The following RERE variants were observed in gnomAD, a reference collection of about 807,000 sequenced individuals.
RERE encodes the protein arginine-glutamic acid dipeptide repeats protein.
RERE carries 40 observed loss-of-function variants against 146.1 expected under a neutral mutation model. The observed-to-expected ratio is 0.27, with a 90% CI of 0.21 to 0.36. The LOEUF (loss-of-function observed/expected upper bound fraction) is 0.36. Among genes scored for constraint, RERE ranks in the 10% least tolerant of loss-of-function variants. The probability of loss-of-function intolerance (pLI) is 1.00; values close to 1 mark genes in which losing one functional copy is unlikely to be tolerated. For synonymous variants in RERE, 1,003 were observed against 866.0 expected (o/e 1.16, Z -2.78); for missense variants, 1,933 against 2,138.7 (o/e 0.90, Z 1.90).
chr1:8,519,644 A>G (rs747605385), intron 7 of RERE: 1 of 152,208 alleles, frequency 6.6e-6, no homozygotes, highest in Non-Finnish European at 1.5e-5. Context: ...ATTAAACTCT[A>G]TATACTGGCA....
chr1:8,596,482 T>G (rs1418810289), intron 4 of RERE, among the ~76,000 whole-genome samples: 1 of 152,150 alleles, frequency 6.6e-6, no homozygotes, highest in East Asian at 1.9e-4. Context: ...ACAAACCTAG[T>G]CTGTAGGAAA....
intron 2 of RERE, among the ~76,000 whole-genome samples, chr1:8,642,140 C>T: frequency 6.6e-6 from 1 of 151,546 alleles, no homozygotes; most frequent in South Asian, 2.1e-4. Flanking sequence ...TAACCCCAAT[C>T]TAAAACCCCA....
intron 15 of RERE, chr1:8,363,627 G>A (rs1641682092): frequency 5.1e-6 from 1 of 195,730 alleles, no homozygotes; most frequent in African/African-American, 2.4e-5. Context: ...TATGGGAGGA[G>A]CTATGCAGTG....
intron 4 of RERE, among the ~76,000 whole-genome samples, chr1:8,595,500 T>G (rs1646545144): frequency 6.6e-6 from 1 of 151,548 alleles, no homozygotes; most frequent in African/African-American, 2.4e-5. Flanking sequence ...ATGTATTTAT[T>G]TTTATGTATT....
chr1:8,357,544 A>C (rs183123574), intron 20 of RERE, among the ~76,000 whole-genome samples: 5 of 152,174 alleles, frequency 3.3e-5, no homozygotes, highest in Admixed American at 3.3e-4. Flanking sequence ...GGAGCAGGTG[A>C]ACCTGCCTCC....
chr1:8,785,264 C>A (rs550528121), intron 1 of RERE, among the ~76,000 whole-genome samples: 1 of 152,272 alleles, frequency 6.6e-6, no homozygotes, highest in South Asian at 2.1e-4. Context: ...ATTTTGATAA[C>A]AGCAGAAAGG....
intron 1 of RERE, among the ~76,000 whole-genome samples, chr1:8,745,913 T>G (rs1186421111): frequency 6.6e-6 from 1 of 152,024 alleles, no homozygotes; most frequent in Non-Finnish European, 1.5e-5. Context: ...TTACAAAAAT[T>G]AAAAATTAGC....
intron 10 of RERE, among the ~76,000 whole-genome samples, chr1:8,491,933 A>G (rs1644984284): frequency 6.6e-6 from 1 of 152,228 alleles, no homozygotes; most frequent in African/African-American, 2.4e-5. Flanking sequence ...TTAACTTATT[A>G]CTTAACACAG....
intron 4 of RERE, among the ~76,000 whole-genome samples, chr1:8,589,402 T>C (rs1023239740): frequency 6.6e-6 from 1 of 152,210 alleles, no homozygotes; most frequent in African/African-American, 2.4e-5. Flanking sequence ...ATCAAGCCAC[T>C]GCACTCCAGC....
intron 3 of RERE, among the ~76,000 whole-genome samples, chr1:8,615,612 G>A (rs908094949): frequency 2.6e-5 from 4 of 152,030 alleles, no homozygotes; most frequent in South Asian, 2.1e-4. Context: ...CCTGTCTTAC[G>A]GTTGTCTAAA....
At chr1:8,355,946 G>A (rs747771545) in intron 21 of RERE, among the ~76,000 whole-genome samples, 154 bp downstream of exon 21, 2 of 152,110 alleles carry the variant, frequency 1.3e-5, no homozygotes, top group Non-Finnish European at 2.9e-5. Context: ...GAGGGCAGGA[G>A]GCTTGTTCCC....
In RERE at chr1:8,441,348, T is replaced by C. The variant is rs545392346; in HGVS notation, c.1204-18541A>G. 2.6e-5 allele frequency among the ~76,000 whole-genome samples: 4 copies of C among 152,346 alleles called. No individual in the cohort carries two copies. In the East Asian group the frequency reaches 7.7e-4, roughly 29 times the overall value. ...GAAGGCACACGCTCCTGTGAGGGGATGCAGCCTCTCTTCTTCTATCCCCAC... is the reference window on the plus strand; with the variant it reads ...GAAGGCACACGCTCCTGTGAGGGGACGCAGCCTCTCTTCTTCTATCCCCAC... On this transcript the variant is annotated intron_variant, in intron 11 of 22. Coordinates refer to ENST00000400908, the MANE Select transcript of RERE (RefSeq NM_001042681.2).
At chr1:8,720,557 G>A (rs543112114) in intron 1 of RERE, among the ~76,000 whole-genome samples, 14 of 152,174 alleles carry the variant, frequency 9.2e-5, no homozygotes, top group East Asian at 5.8e-4. Context: ...GAACAAGAAC[G>A]AGCAAGAGAG....
intron 10 of RERE, among the ~76,000 whole-genome samples, chr1:8,486,520 A>G (rs1436035244): frequency 6.6e-6 from 1 of 152,170 alleles, no homozygotes; most frequent in East Asian, 1.9e-4. Flanking sequence ...CAACAAATCA[A>G]AATTTGTGGT....
intron 12 of RERE, among the ~76,000 whole-genome samples, chr1:8,412,774 T>C (rs1483554897): frequency 6.6e-6 from 1 of 152,242 alleles, no homozygotes; most frequent in Non-Finnish European, 1.5e-5. Flanking sequence ...CCCCAAGTCC[T>C]AGTCCCATTG....
chr1:8,493,806 A>G (rs1645008887), intron 10 of RERE, among the ~76,000 whole-genome samples: 1 of 152,244 alleles, frequency 6.6e-6, no homozygotes, highest in Non-Finnish European at 1.5e-5. Context: ...TCAACAGCCT[A>G]CATACACATA....
intron 2 of RERE, among the ~76,000 whole-genome samples, chr1:8,636,427 A>C (rs983865890): frequency 6.6e-6 from 1 of 152,058 alleles, no homozygotes; most frequent in African/African-American, 2.4e-5. Flanking sequence ...CCACATACTC[A>C]GGAGGCTGAG....
chr1:8,438,827 T>C (rs1375132696), intron 11 of RERE, among the ~76,000 whole-genome samples: 1 of 152,216 alleles, frequency 6.6e-6, no homozygotes, highest in Non-Finnish European at 1.5e-5. Flanking sequence ...AATATTAACT[T>C]ATACATATCT....
intron 1 of RERE, among the ~76,000 whole-genome samples, chr1:8,733,367 C>T (rs1569663857): frequency 6.6e-6 from 1 of 152,208 alleles, no homozygotes; most frequent in East Asian, 1.9e-4. Flanking sequence ...CTAACATTTT[C>T]ATGAGAACTG....
Sources: allele counts gnomAD v4.1 joint callset (sites outside exome capture counted in the v4.1 genomes callset), GRCh38; gene constraint gnomAD v4.1.1; transcripts MANE v1.5; gene names NCBI Gene and HGNC (gene_info 2026-07-23, HGNC 2026-07-21).